The following SMNDC1 variants were observed in gnomAD, a reference collection of about 807,000 sequenced individuals.
SMNDC1 encodes survival motor neuron domain containing 1, also known as survival of motor neuron-related-splicing factor 30.
Under a neutral mutation model 29.2 loss-of-function variants are expected in SMNDC1, and 5 were observed. The observed-to-expected ratio is 0.17, with a 90% CI of 0.09 to 0.36. The LOEUF is 0.36. SMNDC1 is among the 10% of genes least tolerant of loss of function. SMNDC1 has a pLI of 1.00. For missense variants in SMNDC1, 142 were observed against 268.5 expected (o/e 0.53, Z 3.29); for synonymous variants, 80 against 89.9 (o/e 0.89, Z 0.62).
In SMNDC1 at chr10:110,298,703, T is replaced by C. The variant is rs201380952; in HGVS notation, c.208A>G (p.Thr70Ala). 1,210 of 1,613,610 alleles carry C rather than the reference T, an allele frequency of 7.5e-4. 23 individuals are homozygous for C. In the South Asian group the frequency reaches 0.013, roughly 17 times the overall value. ...TTGTCTCCTACTTTCCATGAATGAG[T>C]AGGTTGAGTAGAAGCAAAACTGTCT... is the stretch of plus-strand genomic sequence containing the variant. ...SSDSFASTQP[T>A]HSWKVGDKCM... The change falls in exon 3 of 6, where the codon ACT (threonine) becomes GCT (alanine). Residue 70 changes from threonine (T) to alanine (A), a missense_variant. Transcript: ENST00000369603.
At chr10:110,300,484 G>T in intron 2 of SMNDC1, 1 of 807,180 alleles carries the variant, frequency 1.2e-6, no homozygotes, top group Non-Finnish European at 1.5e-6. Flanking sequence ...CTTCACATGT[G>T]CGTATGGACC....
intron 4 of SMNDC1, 81 bp downstream of exon 4, chr10:110,297,486 G>T: frequency 7.8e-7 from 1 of 1,280,072 alleles, no homozygotes; most frequent in Non-Finnish European, 1.1e-6. Flanking sequence ...ACTTTCTTAT[G>T]CATAGATTCT....
At chr10:110,295,003 G>C (rs193232375) in intron 5 of SMNDC1, among the ~76,000 whole-genome samples, 37 of 152,278 alleles carry the variant, frequency 2.4e-4, no homozygotes, top group African/African-American at 7.2e-4. Flanking sequence ...AAAGAACATA[G>C]ACCTTTTGTA....
intron 2 of SMNDC1, among the ~76,000 whole-genome samples, chr10:110,302,336 G>A (rs899599222): frequency 2.0e-5 from 3 of 152,152 alleles, no homozygotes; most frequent in Non-Finnish European, 2.9e-5. Flanking sequence ...TCTACGTATC[G>A]AAGAGGGGTC....
In SMNDC1 at chr10:110,293,908, G is replaced by C. The variant is rs914931629; in HGVS notation, c.*242C>G. 4 of 318,306 alleles carry C rather than the reference G, an allele frequency of 1.3e-5. No individual in the cohort carries two copies. Among genetic ancestry groups the C allele is most frequent in the Non-Finnish European group, 2.3e-5 (4 of 174,084 alleles). The allele number at this position is 318,306 out of a possible 1,614,324, so 19.7% of individuals were successfully genotyped here. On this transcript the variant is annotated 3_prime_UTR_variant, in exon 6 of 6. Coordinates refer to ENST00000369603, the MANE Select transcript of SMNDC1 (RefSeq NM_005871.4). ...ATTCATCTAAGTGCTGTATGAAACAGCATCTACAAAAGTTGCTTTATTCAA... is the reference window on the plus strand; with the variant it reads ...ATTCATCTAAGTGCTGTATGAAACACCATCTACAAAAGTTGCTTTATTCAA...
rs1040735431 is a variant in SMNDC1, at chr10:110,293,352, C to G, written c.*798G>C. ...TCAGTATTCTTGTTCATTAATTTAG[C>G]CTTGTGTTTTTACAAAAATAGTATC... On this transcript the variant is annotated 3_prime_UTR_variant, in exon 6 of 6. Coordinates refer to ENST00000369603, the MANE Select transcript of SMNDC1 (RefSeq NM_005871.4). The G allele has an allele frequency of 1.3e-4, 20 of 152,292 alleles. No homozygotes were observed. Among genetic ancestry groups the G allele is most frequent in the African/African-American group, 4.8e-4 (20 of 41,304 alleles). The allele number at this position is 152,292 out of a possible 1,614,324, so 9.4% of individuals were successfully genotyped here.
At chr10:110,300,599 G>A in intron 2 of SMNDC1, 1 of 985,336 alleles carries the variant, frequency 1.0e-6, no homozygotes, top group Non-Finnish European at 1.2e-6. Context: ...CTCCTTCATC[G>A]ACAGATGGGC....
At chr10:110,294,702 A>G (rs1288582269) in intron 5 of SMNDC1, among the ~76,000 whole-genome samples, 1 of 152,204 alleles carries the variant, frequency 6.6e-6, no homozygotes, top group East Asian at 1.9e-4. Flanking sequence ...ATGAAAAGGA[A>G]GCGCTTCTTT....
chr10:110,298,825 T>G (rs1857606411), intron 2 of SMNDC1, 35 bp from the exon 3 acceptor site: 1 of 1,526,768 alleles, frequency 6.5e-7, no homozygotes, highest in Non-Finnish European at 9.0e-7. Context: ...AACATTATTT[T>G]TATAATTCTC....
At chr10:110,301,789 T>C in intron 2 of SMNDC1, among the ~76,000 whole-genome samples, 1 of 152,216 alleles carries the variant, frequency 6.6e-6, no homozygotes, top group East Asian at 1.9e-4. Context: ...ACTGAACCCC[T>C]GCAAGCAAGC....
intron 5 of SMNDC1, among the ~76,000 whole-genome samples, chr10:110,294,833 C>T (rs1857542626): frequency 2.0e-5 from 3 of 152,140 alleles, no homozygotes; most frequent in Admixed American, 2.0e-4. Context: ...TATTTTCTAC[C>T]CAACACACAC....
rs1308025819 is a variant in SMNDC1 at position 110,291,219 on chromosome 10, C to T, written c.*2931G>A. On this transcript the variant is annotated 3_prime_UTR_variant, in exon 6 of 6. Transcript: ENST00000369603. ...CTGCGGTGTTCGTCAAACAACATAC[C>T]TTGGCCTGGATAAGTCTAAGGTTGG... 6.6e-6 allele frequency: 1 copy of T among 152,182 alleles called. No individual in the cohort carries two copies. The highest frequency in any genetic ancestry group is 1.9e-4 in the East Asian group (1 of 5,200). The allele number at this position is 152,182 out of a possible 1,614,324, so 9.4% of individuals were successfully genotyped here.
rs937618902 is a variant in SMNDC1, at chr10:110,293,860, G to A, written c.*290C>T. On this transcript the variant is annotated 3_prime_UTR_variant, in exon 6 of 6. Transcript: ENST00000369603. ...AGTACACACCATAGGTTAAGTAGGC[G>A]CCTGATATTAGGAAGATCAATAATT... The A allele has an allele frequency of 2.4e-5, 5 of 205,564 alleles. No homozygotes were observed. Among genetic ancestry groups the A allele is most frequent in the African/African-American group, 4.6e-5 (2 of 43,496 alleles). The allele number at this position is 205,564 out of a possible 1,614,324, so 12.7% of individuals were successfully genotyped here.
At chr10:110,298,386 T>A (rs569465235) in intron 3 of SMNDC1, among the ~76,000 whole-genome samples, 1 of 152,290 alleles carries the variant, frequency 6.6e-6, no homozygotes, top group Non-Finnish European at 1.5e-5. Context: ...AGAAAATAAT[T>A]TAGATTATTT....
intron 5 of SMNDC1, among the ~76,000 whole-genome samples, chr10:110,294,943 C>T (rs1857544944): frequency 6.6e-6 from 1 of 152,222 alleles, no homozygotes; most frequent in South Asian, 2.1e-4. Context: ...GAGTTAAGCA[C>T]ACTGCCTCTA....
chr10:110,303,615 T>C (rs1857691251), intron 1 of SMNDC1, 28 bp from the exon 2 acceptor site: 2 of 1,542,128 alleles, frequency 1.3e-6, no homozygotes, highest in Non-Finnish European at 1.7e-6. Context: ...GGTTAGACCA[T>C]GAAAACTAAA....
rs1857513597 is a variant in SMNDC1, at chr10:110,292,769, A to T, written c.*1381T>A. ...CTACCACTGTCCTAAGTTTCAATTT[A>T]TAAAAAAAATTAAAATTCATGAAAT... On this transcript the variant is annotated 3_prime_UTR_variant, in exon 6 of 6. Coordinates refer to ENST00000369603, the MANE Select transcript of SMNDC1 (RefSeq NM_005871.4). The T allele has an allele frequency of 6.6e-6, 1 of 152,170 alleles. No individual in the cohort carries two copies. Among genetic ancestry groups the T allele is most frequent in the African/African-American group, 2.4e-5 (1 of 41,438 alleles). The allele number at this position is 152,170 out of a possible 1,614,324, so 9.4% of individuals were successfully genotyped here.
rs941641784 is a variant in SMNDC1, at chr10:110,294,384, G to A, written c.580-97C>T. 25 of 1,052,992 alleles carry A rather than the reference G, an allele frequency of 2.4e-5. No homozygotes were observed. The African/African-American group carries it at 2.9e-4, about 12-fold the overall frequency. The allele number at this position is 1,052,992 out of a possible 1,614,324, so 65.2% of individuals were successfully genotyped here. ...TGTTAAAATATATTCTGGTTTCAAC[G>A]TTTAAAAGAAGAAAAACATATTGCC... On this transcript the variant is annotated intron_variant, in intron 5 of 5. Transcript: ENST00000369603.
chr10:110,302,941 T>C (rs921192658), intron 2 of SMNDC1, among the ~76,000 whole-genome samples: 2 of 152,190 alleles, frequency 1.3e-5, no homozygotes, highest in Non-Finnish European at 2.9e-5. Context: ...TGAACATCTA[T>C]GTAACAATTA....
Sources: allele counts gnomAD v4.1 joint callset (sites outside exome capture counted in the v4.1 genomes callset), GRCh38; gene constraint gnomAD v4.1.1; transcripts MANE v1.5; gene names NCBI Gene and HGNC (gene_info 2026-07-23, HGNC 2026-07-21).